The following ARHGAP26 variants were observed in gnomAD, a reference collection of about 807,000 sequenced individuals.
The protein encoded by ARHGAP26 is rho GTPase-activating protein 26.
In ARHGAP26, 38 loss-of-function variants were observed where a neutral mutation model predicts 104.8. That is an observed-to-expected ratio of 0.36 (90% confidence interval 0.28 to 0.48). The LOEUF is 0.48. Ranked by LOEUF, ARHGAP26 falls within the 20% of genes least tolerant of loss-of-function variation. ARHGAP26 has a pLI of 0.99. For missense variants in ARHGAP26, 704 were observed against 947.9 expected (o/e 0.74, Z 3.38); for synonymous variants, 341 against 340.0 (o/e 1.00, Z -0.03).
chr5:142,818,774 C>T (rs1464795815), intron 1 of ARHGAP26, among the ~76,000 whole-genome samples: 1 of 152,104 alleles, frequency 6.6e-6, no homozygotes, highest in Non-Finnish European at 1.5e-5. Context: ...TCATTGTTTC[C>T]CCACTATCAG....
chr5:143,108,936 G>A (rs1373066466), intron 17 of ARHGAP26, among the ~76,000 whole-genome samples: 2 of 152,272 alleles, frequency 1.3e-5, no homozygotes, highest in Admixed American at 1.3e-4. Flanking sequence ...TCCTGTTGGA[G>A]CTAAGCCACA....
At chr5:143,014,866 C>G (rs991777458) in intron 12 of ARHGAP26, among the ~76,000 whole-genome samples, 1 of 152,132 alleles carries the variant, frequency 6.6e-6, no homozygotes, top group South Asian at 2.1e-4. Flanking sequence ...ATCCTGTCAC[C>G]TTGCTTTGTA....
chr5:142,800,445 C>T (rs115043490), intron 1 of ARHGAP26, among the ~76,000 whole-genome samples: 178 of 151,662 alleles, frequency 1.2e-3, no homozygotes, highest in Non-Finnish European at 2.0e-3. Flanking sequence ...TCTCGGCTTA[C>T]TGCAACCTCC....
chr5:142,771,240 C>G (rs1314890516), intron 1 of ARHGAP26: 1 of 1,251,820 alleles, frequency 8.0e-7, no homozygotes, highest in African/African-American at 1.5e-5. Flanking sequence ...GTGCCGAGCG[C>G]GCCGCAGCCA....
At chr5:142,791,259 GGGTA>G (rs1383955783) in intron 1 of ARHGAP26, among the ~76,000 whole-genome samples, 2 of 152,004 alleles carry the variant, frequency 1.3e-5, no homozygotes. Flanking sequence ...GCTTCCTTTG[GGGTA>G]GCCCAAGAAA....
At chr5:143,089,185 T>C (rs1791046431) in intron 17 of ARHGAP26, among the ~76,000 whole-genome samples, 1 of 152,184 alleles carries the variant, frequency 6.6e-6, no homozygotes, top group African/African-American at 2.4e-5. Context: ...TTGGCTTAGT[T>C]GTTTTGCTGG....
intron 1 of ARHGAP26, among the ~76,000 whole-genome samples, chr5:142,836,495 G>A (rs1393210728): frequency 6.6e-6 from 1 of 152,186 alleles, no homozygotes; most frequent in African/African-American, 2.4e-5. Context: ...CTCTGTTTGA[G>A]GCTTCAAGTA....
chr5:143,215,012 G>C (rs1810121748), intron 22 of ARHGAP26, among the ~76,000 whole-genome samples: 1 of 152,252 alleles, frequency 6.6e-6, no homozygotes, highest in Admixed American at 6.5e-5. Context: ...GGCCCCAGCA[G>C]ACTGCAGGTG....
At chr5:143,182,342 G>C (rs1039266131) in intron 20 of ARHGAP26, among the ~76,000 whole-genome samples, 27 of 152,264 alleles carry the variant, frequency 1.8e-4, no homozygotes, top group African/African-American at 6.0e-4. Context: ...GCTTGCAGAT[G>C]ATGAACTGGG....
At chr5:143,011,998 C>T (rs181269444) in intron 11 of ARHGAP26, among the ~76,000 whole-genome samples, 18 of 152,292 alleles carry the variant, frequency 1.2e-4, no homozygotes, top group Non-Finnish European at 2.2e-4. Flanking sequence ...AACCTATCAT[C>T]GCCCACATTT....
chr5:143,061,775 C>T lies in ARHGAP26; in HGVS notation c.1538+4028C>T, dbSNP rs1009808962. Among the ~76,000 whole-genome samples, 3 of 152,216 alleles carry T rather than the reference C, an allele frequency of 2.0e-5. No homozygotes were observed. In the South Asian group the frequency reaches 6.2e-4, roughly 32 times the overall value. ...TTTCATGTTCCTGCTCAGCCAGCGT[C>T]TTGTGTTGGCTAGCTCCTCGCAGAG... On this transcript the variant is annotated intron_variant, in intron 17 of 22. Coordinates refer to ENST00000645722, the MANE Select transcript of ARHGAP26 (RefSeq NM_001135608.3).
chr5:142,858,114 AGTGT>A (rs72141550), intron 1 of ARHGAP26, among the ~76,000 whole-genome samples: 9 of 140,892 alleles, frequency 6.4e-5, no homozygotes, highest in African/African-American at 2.1e-4. Context: ...AGAGAGAGGG[AGTGT>A]GTGTGTGTGT....
intron 17 of ARHGAP26, among the ~76,000 whole-genome samples, chr5:143,075,843 A>T (rs1266324604): frequency 6.6e-6 from 1 of 151,544 alleles, no homozygotes; most frequent in East Asian, 1.9e-4. Flanking sequence ...GGACTACAGG[A>T]GCACGCCACC....
At chr5:143,084,841 T>TG (rs1790326219) in intron 17 of ARHGAP26, among the ~76,000 whole-genome samples, 1 of 152,066 alleles carries the variant, frequency 6.6e-6, no homozygotes, top group Non-Finnish European at 1.5e-5. Context: ...GGTCAGGAGA[T>TG]GGAGACCATC....
At chr5:143,212,633 C>A (rs981733881) in intron 21 of ARHGAP26, among the ~76,000 whole-genome samples, 12 of 152,124 alleles carry the variant, frequency 7.9e-5, no homozygotes, top group African/African-American at 1.2e-4. Context: ...TCTCTTGGCT[C>A]CTAGAAAACC....
intron 20 of ARHGAP26, among the ~76,000 whole-genome samples, chr5:143,180,208 C>T (rs1804107358): frequency 6.6e-6 from 1 of 152,122 alleles, no homozygotes; most frequent in South Asian, 2.1e-4. Context: ...TCACTGCAAC[C>T]TCCGCCTCCT....
At position 142,877,351 on chromosome 5, in the gene ARHGAP26, C is replaced by T. The variant is rs186527010; in HGVS notation, c.313-2023C>T. Among the ~76,000 whole-genome samples the T allele has an allele frequency of 2.1e-3, 315 of 152,284 alleles. 1 individual carries two copies. The highest frequency in any genetic ancestry group is 3.7e-3 in the Non-Finnish European group (253 of 68,012). ...CTTGGTATTTTCTTAACATCCAGTT[C>T]GTGCTTCTGATCCTGTGTTTACCAC... On this transcript the variant is annotated intron_variant, in intron 3 of 22. Coordinates refer to ENST00000645722, the MANE Select transcript of ARHGAP26 (RefSeq NM_001135608.3).
In ARHGAP26 at chr5:142,903,619, A is replaced by G. The variant is rs1319338041; in HGVS notation, c.782A>G (p.Lys261Arg). 1 of 1,614,098 alleles carries G rather than the reference A, an allele frequency of 6.2e-7. No homozygotes were observed. Among genetic ancestry groups the G allele is most frequent in the South Asian group, 1.1e-5 (1 of 91,082 alleles). ...ATGAAGGAGAATCCCCTTGAGCACAAGACCATCAGTCCCTACACCATGGAG... is the reference window on the plus strand; with the variant it reads ...ATGAAGGAGAATCCCCTTGAGCACAGGACCATCAGTCCCTACACCATGGAG... ...KKMKENPLEHKTISPYTMEGY... is the reference protein window; with the variant it reads ...KKMKENPLEHRTISPYTMEGY... Residue 261 changes from lysine (K) to arginine (R), a missense_variant, in exon 8 of 23, where the codon AAG (lysine) becomes AGG (arginine). Transcript: ENST00000645722.
At chr5:142,894,014 C>CT (rs978793520) in intron 5 of ARHGAP26, among the ~76,000 whole-genome samples, 87 of 147,844 alleles carry the variant, frequency 5.9e-4, no homozygotes, top group African/African-American at 1.6e-3. Context: ...CATTAGAAAG[C>CT]TTTTTTTTTG....
Sources: gnomAD v4.1 joint callset for allele counts (sites outside exome capture counted in the v4.1 genomes callset) on GRCh38, gnomAD v4.1.1 for gene constraint, MANE v1.5 for transcripts, NCBI Gene and HGNC (gene_info 2026-07-23, HGNC 2026-07-21) for gene names.